Variants in CATSPERE observed in about 807,000 individuals in gnomAD.
The protein encoded by CATSPERE is catsper channel auxiliary subunit epsilon.
Under a neutral mutation model 114.1 loss-of-function variants are expected in CATSPERE, and 93 were observed. The observed-to-expected ratio is 0.81, with a 90% CI of 0.69 to 0.97. CATSPERE has a LOEUF of 0.97. Among genes scored for constraint, CATSPERE ranks in the 50% least tolerant of loss-of-function variants. The probability of loss-of-function intolerance (pLI) is 0.00; values close to 1 mark genes in which losing one functional copy is unlikely to be tolerated. For missense variants in CATSPERE, 1,058 were observed against 1,131.6 expected (o/e 0.93, Z 0.93); for synonymous variants, 341 against 384.1 (o/e 0.89, Z 1.31).
chr1:244,545,528 G>A (rs1659611942), intron 8 of CATSPERE, among the ~76,000 whole-genome samples: 1 of 152,194 alleles, frequency 6.6e-6, no homozygotes, highest in Non-Finnish European at 1.5e-5. Context: ...CCTTTGGCAG[G>A]CCCTTATAGG....
In CATSPERE at chr1:244,515,688, C is replaced by T. The variant is rs3006041; in HGVS notation, c.430-2904C>T. 7.3e-3 allele frequency among the ~76,000 whole-genome samples: 1,107 copies of T among 152,154 alleles called. 14 individuals carry two copies. Among genetic ancestry groups the T allele is most frequent in the African/African-American group, 0.025 (1,025 of 41,510 alleles). ...GGAAGCCAAGTAAGAATGTTTCAAACGGGAAGATTCATCCAATGTATCAAA... is the reference window on the plus strand; with the variant it reads ...GGAAGCCAAGTAAGAATGTTTCAAATGGGAAGATTCATCCAATGTATCAAA... On this transcript the variant is annotated intron_variant, in intron 7 of 21. Coordinates refer to ENST00000366534, the MANE Select transcript of CATSPERE (RefSeq NM_001130957.2).
chr1:244,544,407 T>G (rs535002446), intron 8 of CATSPERE, among the ~76,000 whole-genome samples: 40 of 152,330 alleles, frequency 2.6e-4, no homozygotes, highest in Non-Finnish European at 1.0e-4. Flanking sequence ...AGTTTTAACT[T>G]AGGCCTATCT....
intron 5 of CATSPERE, 67 bp from the exon 6 acceptor site, chr1:244,490,380 A>T: frequency 9.6e-7 from 1 of 1,041,160 alleles, no homozygotes; most frequent in Non-Finnish European, 1.5e-6. Context: ...GTATCTTGAA[A>T]GTAGAATATT....
chr1:244,528,310 C>T (rs915253423), intron 8 of CATSPERE, among the ~76,000 whole-genome samples: 4 of 152,042 alleles, frequency 2.6e-5, no homozygotes, highest in African/African-American at 9.7e-5. Flanking sequence ...AATGTATACA[C>T]TATACAACAG....
At chr1:244,627,496 G>A (rs1033286112) in intron 20 of CATSPERE, among the ~76,000 whole-genome samples, 1 of 152,010 alleles carries the variant, frequency 6.6e-6, no homozygotes, top group African/African-American at 2.4e-5. Context: ...GATCACTTGA[G>A]CCCAGAAGGT....
intron 11 of CATSPERE, among the ~76,000 whole-genome samples, chr1:244,579,233 C>T (rs932020451): frequency 2.0e-5 from 3 of 151,586 alleles, no homozygotes; most frequent in African/African-American, 7.3e-5. Flanking sequence ...TCACATAGTA[C>T]AGTGTGTACT....
intron 19 of CATSPERE, among the ~76,000 whole-genome samples, chr1:244,614,527 C>T (rs1408896295): frequency 6.6e-6 from 1 of 152,218 alleles, no homozygotes; most frequent in Non-Finnish European, 1.5e-5. Context: ...CAAACATCTT[C>T]CAAACTTTTC....
intron 14 of CATSPERE, among the ~76,000 whole-genome samples, chr1:244,589,481 C>T (rs896348333): frequency 6.6e-6 from 1 of 152,134 alleles, no homozygotes; most frequent in Non-Finnish European, 1.5e-5. Flanking sequence ...TTTATATAGC[C>T]GGTATCATCC....
At chr1:244,636,672 C>A (rs899826682) in intron 21 of CATSPERE, 1 of 153,470 alleles carries the variant, frequency 6.5e-6, no homozygotes, top group African/African-American at 2.4e-5. Context: ...ATCTCACTCA[C>A]CTGCCCCGCT....
intron 19 of CATSPERE, among the ~76,000 whole-genome samples, chr1:244,615,401 A>G (rs1032265195): frequency 4.6e-5 from 7 of 151,984 alleles, no homozygotes; most frequent in Non-Finnish European, 1.0e-4. Flanking sequence ...ATCACTTAAC[A>G]ATGGGAATAT....
intron 4 of CATSPERE, among the ~76,000 whole-genome samples, chr1:244,479,109 T>G (rs1264529674): frequency 6.6e-6 from 1 of 150,940 alleles, no homozygotes; most frequent in Non-Finnish European, 1.5e-5. Flanking sequence ...TTTTTTCCCC[T>G]TGAGATGGAG....
rs1002909596 is a variant in CATSPERE, at chr1:244,607,899, G to A, written c.2403+2105G>A. ...GAGGCTGAGGCAGGCCGATCACAAG[G>A]TCAGGAGTTTGAGACTGACCAACAT... On this transcript the variant is annotated intron_variant, in intron 18 of 21. Transcript: ENST00000366534. This position sits in a 1 kb window ranked among gnomAD's most constrained non-coding sequence, Gnocchi z 4.4. Among the ~76,000 whole-genome samples the A allele has an allele frequency of 4.0e-5, 6 of 151,172 alleles. No homozygotes were observed. The highest frequency in any genetic ancestry group is 1.5e-4 in the African/African-American group (6 of 41,122).
chr1:244,610,192 G>C (rs975176958), intron 18 of CATSPERE, 48 bp from the exon 19 acceptor site: 7 of 1,187,182 alleles, frequency 5.9e-6, no homozygotes, highest in Non-Finnish European at 7.3e-6. Context: ...GGAATAAGTT[G>C]ATATGAAAAC....
intron 19 of CATSPERE, among the ~76,000 whole-genome samples, chr1:244,612,816 C>G (rs1034757855): frequency 1.3e-5 from 2 of 152,162 alleles, no homozygotes; most frequent in Non-Finnish European, 2.9e-5. Context: ...CGCGGCACCA[C>G]GCCCGGCCAG....
At position 244,608,705 on chromosome 1, in the gene CATSPERE, T is replaced by C. The variant is rs78926376; in HGVS notation, c.2404-1535T>C. The stretch of plus-strand genomic sequence containing the variant: ...CCTCTGCTTTCTCCTTCTCCCTCTC[T>C]CTCACGTTTCCTCCCTTCCCTTCCT... On this transcript the variant is annotated intron_variant, in intron 18 of 21. Transcript: ENST00000366534. Among the ~76,000 whole-genome samples the C allele has an allele frequency of 8.5e-3, 1,295 of 152,274 alleles. 20 individuals are homozygous for C. The highest frequency in any genetic ancestry group is 0.051 in the East Asian group (266 of 5,182).
chr1:244,603,242 C>T (rs1669516866), intron 17 of CATSPERE, among the ~76,000 whole-genome samples: 1 of 152,120 alleles, frequency 6.6e-6, no homozygotes. Flanking sequence ...TCAGCAAGGC[C>T]CCAGAAGTTA....
chr1:244,490,595 G>C (rs573060816), intron 6 of CATSPERE, 124 bp downstream of exon 6: 19 of 619,048 alleles, frequency 3.1e-5, no homozygotes, highest in East Asian at 5.9e-5. Flanking sequence ...TTTGCTTAGA[G>C]TATACCTTTC....
chr1:244,581,202 G>A (rs1383859620), intron 11 of CATSPERE, among the ~76,000 whole-genome samples: 5 of 151,950 alleles, frequency 3.3e-5, no homozygotes, highest in Non-Finnish European at 7.4e-5. Context: ...TTTTGTCTTT[G>A]AATATGACGC....
rs3123467 is a variant in CATSPERE at position 244,513,284 on chromosome 1, T to C, written c.430-5308T>C. 7.2e-3 allele frequency among the ~76,000 whole-genome samples: 1,099 copies of C among 152,080 alleles called. 14 individuals are homozygous for C. The highest frequency in any genetic ancestry group is 0.025 in the African/African-American group (1,024 of 41,478). ...ACACAGATGTGGGTGCCAGTGCCAG[T>C]GGCAGGTTGGGCAGGCCAGTCCCAA... On this transcript the variant is annotated intron_variant, in intron 7 of 21. Coordinates refer to ENST00000366534, the MANE Select transcript of CATSPERE (RefSeq NM_001130957.2).
Sources: gnomAD v4.1 joint callset for allele counts (sites outside exome capture counted in the v4.1 genomes callset) on GRCh38, gnomAD v4.1.1 for gene constraint, Gnocchi (gnomAD v3.1) non-coding constraint, MANE v1.5 for transcripts, NCBI Gene and HGNC (gene_info 2026-07-23, HGNC 2026-07-21) for gene names.